The following LRFN1 variants were observed in gnomAD, a reference collection of about 807,000 sequenced individuals.
LRFN1 encodes the protein leucine-rich repeat and fibronectin type III domain-containing protein 1.
LRFN1 carries 20 observed loss-of-function variants against 31.8 expected under a neutral mutation model. The observed-to-expected ratio is 0.63, with a 90% CI of 0.44 to 0.91. The LOEUF is 0.91. Ranked by LOEUF, LRFN1 falls within the 40% of genes least tolerant of loss-of-function variation. LRFN1 has a pLI of 0.00. For missense variants in LRFN1, 912 were observed against 1,129.8 expected (o/e 0.81, Z 2.76); for synonymous variants, 514 against 541.3 (o/e 0.95, Z 0.70).
Position 39,307,782 on chromosome 19 carries a change from C to T in LRFN1, c.2167G>A (p.Ala723Thr). 1 of 1,489,374 alleles carries T rather than the reference C, an allele frequency of 6.7e-7. No individual in the cohort carries two copies. Among genetic ancestry groups the T allele is most frequent in the South Asian group, 1.3e-5 (1 of 74,156 alleles). 92.3% of individuals were successfully genotyped at this position (1,489,374 alleles called of 1,614,324 possible). ...GACCGGTGGCGCTTTGTCCGCCGGGCGCGGCGCGGGTAACTGTGGCTCTGG... is the reference window on the plus strand; with the variant it reads ...GACCGGTGGCGCTTTGTCCGCCGGGTGCGGCGCGGGTAACTGTGGCTCTGG... ...LFQSHSYPRR[A>T]RRTKRHRSTP... The change falls in exon 5 of 5, where the codon GCC (alanine) becomes ACC (threonine). Residue 723 changes from alanine to threonine, a missense_variant. This residue lies in a region of LRFN1 where 511 missense variants were observed against 557.0 expected (regional missense o/e 0.92). Coordinates refer to ENST00000248668, the MANE Select transcript of LRFN1 (RefSeq NM_020862.2). This position sits in a 1 kb window ranked among gnomAD's most constrained non-coding sequence, Gnocchi z 6.7.
chr19:39,309,508 C>CAAAAAAAAAA (rs2075143754), intron 4 of LRFN1, among the ~76,000 whole-genome samples: 1 of 75,936 alleles, frequency 1.3e-5, no homozygotes, highest in African/African-American at 1.0e-4. Flanking sequence ...AAAAAAAAAA[C>CAAAAAAAAAA]CATCTAGCTT....
chr19:39,308,384 G>C lies in LRFN1; in HGVS notation c.1565C>G (p.Ala522Gly). ...ATGGGCCCTCAGCGGGCGGCAGGGC[G>C]CCGGATCCCCAGCGGTGGTGAACTG... is the stretch of plus-strand genomic sequence containing the variant. The part of the protein sequence containing the change: ...CVQFTTAGDP[A>G]PCRPLRAHFL... The change falls in exon 5 of 5, where the codon GCG (alanine) becomes GGG (glycine). Residue 522 changes from alanine (A) to glycine (G), a missense_variant. Coordinates refer to ENST00000248668, the MANE Select transcript of LRFN1 (RefSeq NM_020862.2). The surrounding 1 kb of genome is among the most constrained non-coding windows in gnomAD (Gnocchi z 6.2). 7 of 1,611,678 alleles carry C rather than the reference G, an allele frequency of 4.3e-6. No individual in the cohort carries two copies. Among genetic ancestry groups the C allele is most frequent in the Non-Finnish European group, 5.9e-6 (7 of 1,179,280 alleles).
At chr19:39,313,282 G>A (rs867739329) in intron 4 of LRFN1, among the ~76,000 whole-genome samples, 5 of 152,156 alleles carry the variant, frequency 3.3e-5, no homozygotes, top group African/African-American at 2.4e-5. Context: ...TGTAATCCCA[G>A]CAATTTAGGA....
Position 39,308,441 on chromosome 19 carries a change from G to T in LRFN1, c.1508C>A (p.Ala503Glu), listed in dbSNP as rs1456328283. The T allele has an allele frequency of 1.2e-6, 2 of 1,610,772 alleles. No homozygotes were observed. Among genetic ancestry groups the T allele is most frequent in the Non-Finnish European group, 1.7e-6 (2 of 1,179,580 alleles). ...VLAVYDDGAT[A>E]LPATRVVGCV... ...GCCCACCACTCGCGTTGCCGGCAGC[G>T]CTGTGGCCCCGTCGTCGTAGACCGC... is the stretch of plus-strand genomic sequence containing the variant. The change falls in exon 5 of 5, where the codon GCG (alanine) becomes GAG (glutamate). Residue 503 changes from alanine (A) to glutamate (E), a missense_variant. Physicochemically the swap from Ala to Glu is moderately radical, Grantham distance 107. Coordinates refer to ENST00000248668, the MANE Select transcript of LRFN1 (RefSeq NM_020862.2). This position sits in a 1 kb window ranked among gnomAD's most constrained non-coding sequence, Gnocchi z 6.2.
In LRFN1 at chr19:39,315,384, A is replaced by G; in HGVS notation, c.-37-11T>C. ...GGTGGGAGGTGAGACCTGCCGGGGA[A>G]GGAGCCGGTTACCCAGGCGTGGGAC... On this transcript the variant is annotated splice_polypyrimidine_tract_variant and intron_variant, in intron 3 of 4. Coordinates refer to ENST00000248668, the MANE Select transcript of LRFN1 (RefSeq NM_020862.2). This position sits in a 1 kb window ranked among gnomAD's most constrained non-coding sequence, Gnocchi z 4.7. 1 of 1,419,146 alleles carries G rather than the reference A, an allele frequency of 7.0e-7. No individual in the cohort carries two copies. Among genetic ancestry groups the G allele is most frequent in the East Asian group, 2.5e-5 (1 of 39,654 alleles). 87.9% of individuals were successfully genotyped at this position (1,419,146 alleles called of 1,614,324 possible). A position where few individuals can be genotyped will look rare whatever the true frequency, so the allele number is the denominator to read the frequency against.
chr19:39,312,573 C>T (rs866557898), intron 4 of LRFN1, among the ~76,000 whole-genome samples: 5 of 152,202 alleles, frequency 3.3e-5, no homozygotes, highest in South Asian at 4.2e-4. Flanking sequence ...GAGGCCAAGG[C>T]AGGAGGATCA....
intron 4 of LRFN1, among the ~76,000 whole-genome samples, chr19:39,312,161 C>T (rs181488491): frequency 2.3e-4 from 35 of 152,146 alleles, no homozygotes; most frequent in African/African-American, 2.9e-4. Flanking sequence ...TGAGCCATCG[C>T]GCCCGGCCAA....
At chr19:39,312,115 C>T (rs941341225) in intron 4 of LRFN1, among the ~76,000 whole-genome samples, 2 of 152,110 alleles carry the variant, frequency 1.3e-5, no homozygotes, top group Non-Finnish European at 2.9e-5. Context: ...AGTGATCCGC[C>T]CGCCTCAGCC....
chr19:39,315,298 C>T lies in LRFN1; in HGVS notation c.39G>A (p.Pro13=), dbSNP rs2075168376. 2.0e-6 allele frequency: 3 copies of T among 1,493,022 alleles called. No individual in the cohort carries two copies. Among genetic ancestry groups the T allele is most frequent in the East Asian group, 2.4e-5 (1 of 41,438 alleles). 92.5% of individuals were successfully genotyped at this position (1,493,022 alleles called of 1,614,324 possible). Residue 13 remains proline (P), a synonymous_variant, in exon 4 of 5, where the codon CCG becomes CCA. Transcript: ENST00000248668. The surrounding 1 kb of genome is among the most constrained non-coding windows in gnomAD (Gnocchi z 4.7). ...PGPFSSALLS[P]PPAALPFLLL... ...GCAGAAAGGGCAGGGCAGCGGGCGG[C>T]GGCGAGAGGAGGGCCGAGGAGAAGG...
intron 2 of LRFN1, among the ~76,000 whole-genome samples, chr19:39,317,744 A>C (rs2075176250): frequency 6.6e-6 from 1 of 152,202 alleles, no homozygotes. Flanking sequence ...ATGAGGATTT[A>C]ATGAGATAAT....
rs59717724 is a variant in LRFN1, at chr19:39,319,433, TCA to T, written c.-125-1077_-125-1076del. On this transcript the variant is annotated intron_variant, in intron 1 of 4. Transcript: ENST00000248668. The stretch of plus-strand genomic sequence containing the variant: ...AGCACCACGCTAACAGATACATACC[TCA>T]CACACACACACACACACACAAAACC... Among the ~76,000 whole-genome samples, 1,307 of 149,204 alleles carry T rather than the reference TCA, an allele frequency of 8.8e-3. 18 individuals are homozygous for T. Among genetic ancestry groups the T allele is most frequent in the African/African-American group, 0.029 (1,186 of 40,686 alleles).
At position 39,315,373 on chromosome 19, in the gene LRFN1, C is replaced by G. The variant is rs539931859; in HGVS notation, c.-37G>C. 7.0e-7 allele frequency: 1 copy of G among 1,429,344 alleles called. No individual in the cohort carries two copies. The highest frequency in any genetic ancestry group is 1.5e-5 in the South Asian group (1 of 67,740). The allele number at this position is 1,429,344 out of a possible 1,614,324, so 88.5% of individuals were successfully genotyped here. Reference sequence around the variant, plus strand: ...AAGGCAGGAGGGGTGGGAGGTGAGACCTGCCGGGGAAGGAGCCGGTTACCC... The same window carrying G: ...AAGGCAGGAGGGGTGGGAGGTGAGAGCTGCCGGGGAAGGAGCCGGTTACCC... On this transcript the variant is annotated splice_region_variant and 5_prime_UTR_variant, in exon 4 of 5. Transcript: ENST00000248668. This position sits in a 1 kb window ranked among gnomAD's most constrained non-coding sequence, Gnocchi z 4.7.
At chr19:39,312,469 T>C (rs185857960) in intron 4 of LRFN1, among the ~76,000 whole-genome samples, 1 of 152,202 alleles carries the variant, frequency 6.6e-6, no homozygotes, top group African/African-American at 2.4e-5. Context: ...ATCAAGTGCC[T>C]ACTGTGTGAC....
rs1195978552 is a variant in LRFN1 at position 39,314,734 on chromosome 19, G to A, written c.603C>T (p.Ile201=). The A allele has an allele frequency of 1.9e-6, 3 of 1,613,092 alleles. No homozygotes were observed. The highest frequency in any genetic ancestry group is 2.5e-6 in the Non-Finnish European group (3 of 1,179,446). The change falls in exon 4 of 5, where the codon ATC becomes ATT. Residue 201 remains isoleucine, a synonymous_variant. Transcript: ENST00000248668. ...LTLDHNLIDH[I]AEGTFVQLHK... ...GAAGCTGCACGAAGGTCCCCTCCGC[G>A]ATGTGGTCGATGAGGTTGTGGTCCA...
chr19:39,320,466 C>G (rs1398984968), intron 1 of LRFN1, among the ~76,000 whole-genome samples: 2 of 151,862 alleles, frequency 1.3e-5, no homozygotes, highest in African/African-American at 4.8e-5. Context: ...CACACCTGGG[C>G]ACACAACCCA....
At chr19:39,310,413 G>A (rs576877640) in intron 4 of LRFN1, among the ~76,000 whole-genome samples, 13 of 152,280 alleles carry the variant, frequency 8.5e-5, no homozygotes, top group Admixed American at 5.9e-4. Context: ...ATCACACCTC[G>A]TGTTGGCCAG....
At position 39,306,734 on chromosome 19, in the gene LRFN1, C is replaced by CAT. The variant is rs1600479870; in HGVS notation, c.*898_*899insAT. 1 of 109,328 alleles carries CAT rather than the reference C, an allele frequency of 9.1e-6. No homozygotes were observed. The highest frequency in any genetic ancestry group is 7.9e-5 in the African/African-American group (1 of 12,656). The allele number at this position is 109,328 out of a possible 1,614,324, so 6.8% of individuals were successfully genotyped here. On this transcript the variant is annotated 3_prime_UTR_variant, in exon 5 of 5. Transcript: ENST00000248668. ...CAATCTAGGTCACCCTCCCCCAACACACACACACACACACACACACACACA... is the reference window on the plus strand; with the variant it reads ...CAATCTAGGTCACCCTCCCCCAACACATACACACACACACACACACACACACA...
chr19:39,307,586 G>C lies in LRFN1; in HGVS notation c.*47C>G. The C allele has an allele frequency of 7.3e-7, 1 of 1,363,126 alleles. No individual in the cohort carries two copies. Among genetic ancestry groups the C allele is most frequent in the Non-Finnish European group, 9.4e-7 (1 of 1,064,090 alleles). 84.4% of individuals were successfully genotyped at this position (1,363,126 alleles called of 1,614,324 possible). A position where few individuals can be genotyped will look rare whatever the true frequency, so the allele number is the denominator to read the frequency against. ...GTCCCGCCCCAGCGTCCGTGCGGCT[G>C]GGCGTTTGGTCTGCGGCACCCAGGC... is the stretch of plus-strand genomic sequence containing the variant. On this transcript the variant is annotated 3_prime_UTR_variant, in exon 5 of 5. Transcript: ENST00000248668. This position sits in a 1 kb window ranked among gnomAD's most constrained non-coding sequence, Gnocchi z 6.7.
chr19:39,309,740 G>T (rs538909160), intron 4 of LRFN1, among the ~76,000 whole-genome samples: 1 of 152,296 alleles, frequency 6.6e-6, no homozygotes, highest in East Asian at 1.9e-4. Context: ...GCCACCAGAA[G>T]TCACCAAATC....
Sources: allele counts gnomAD v4.1 joint callset (sites outside exome capture counted in the v4.1 genomes callset), GRCh38; gene constraint gnomAD v4.1.1; regional missense constraint gnomAD v4.1.1; non-coding constraint Gnocchi (gnomAD v3.1); transcripts MANE v1.5; gene names NCBI Gene and HGNC (gene_info 2026-07-23, HGNC 2026-07-21).